The following COL4A2 variants were observed in gnomAD, a reference collection of about 807,000 sequenced individuals.
COL4A2 encodes the protein collagen alpha-2(IV) chain.
A neutral mutation model predicts 200.2 loss-of-function variants in COL4A2; 99 were observed. The observed-to-expected ratio is 0.49, with a 90% CI of 0.42 to 0.58. COL4A2 has a LOEUF of 0.58. COL4A2 is among the 20% of genes least tolerant of loss of function. The pLI, the probability that COL4A2 is intolerant of heterozygous loss-of-function variation, is 0.00. For missense variants in COL4A2, 1,950 were observed against 2,314.1 expected (o/e 0.84, Z 3.23); for synonymous variants, 897 against 900.6 (o/e 1.00, Z 0.07).
chr13:110,361,662 G>C (rs1235118230), intron 4 of COL4A2, among the ~76,000 whole-genome samples: 1 of 152,182 alleles, frequency 6.6e-6, no homozygotes, highest in Non-Finnish European at 1.5e-5. Context: ...ATGAGCTTTG[G>C]GTCAATTTGC....
rs968453732 is a variant in COL4A2, at chr13:110,473,158, C to A, written c.2425+8C>A. 5 of 1,550,522 alleles carry A rather than the reference C, an allele frequency of 3.2e-6. No homozygotes were observed. The African/African-American group carries it at 6.8e-5, about 21-fold the overall frequency. On this transcript the variant is annotated splice_region_variant and intron_variant, in intron 29 of 47. Transcript: ENST00000360467. ...GCCCCCCTGGATTCAGAGGTGAGTG[C>A]CCCATCGGGGAGCCGGGGGCCCCAT...
At chr13:110,356,948 T>G (rs958997511) in intron 3 of COL4A2, among the ~76,000 whole-genome samples, 1 of 152,120 alleles carries the variant, frequency 6.6e-6, no homozygotes, top group Non-Finnish European at 1.5e-5. Flanking sequence ...GTATTTTTAG[T>G]AGAGACGGGG....
chr13:110,425,217 C>T (rs1303618208), intron 6 of COL4A2, among the ~76,000 whole-genome samples: 5 of 152,160 alleles, frequency 3.3e-5, no homozygotes, highest in Admixed American at 2.6e-4. Flanking sequence ...AGAATTGAGA[C>T]GATTTTGCTA....
chr13:110,490,680 G>C (rs997890898), intron 36 of COL4A2, among the ~76,000 whole-genome samples: 1 of 152,186 alleles, frequency 6.6e-6, no homozygotes, highest in African/African-American at 2.4e-5. Flanking sequence ...TGGGCTGGCT[G>C]TGTCTGCCAC....
intron 29 of COL4A2, among the ~76,000 whole-genome samples, chr13:110,476,641 T>A (rs544732833): frequency 1.3e-5 from 2 of 152,302 alleles, no homozygotes; most frequent in Admixed American, 1.3e-4. Context: ...TGAGGCTACG[T>A]GAGTGTGTGG....
At chr13:110,493,078 CA>C in intron 38 of COL4A2, 132 bp from the exon 39 acceptor site, 1 of 876,730 alleles carries the variant, frequency 1.1e-6, no homozygotes, top group Middle Eastern at 2.4e-4. Context: ...GTGACACCCC[CA>C]TGGGTGAAAT....
chr13:110,416,273 A>C (rs970218652), intron 4 of COL4A2, among the ~76,000 whole-genome samples: 4 of 152,238 alleles, frequency 2.6e-5, no homozygotes, highest in Admixed American at 2.6e-4. Flanking sequence ...AGCTCTCTGC[A>C]TGCTGCCTGC....
chr13:110,457,787 A>C (rs1159821294), intron 21 of COL4A2: 1 of 484,138 alleles, frequency 2.1e-6, no homozygotes, highest in East Asian at 6.5e-5. Context: ...GCTCAGCTCC[A>C]AGGCATTGTA....
At chr13:110,356,941 T>G (rs1438025424) in intron 3 of COL4A2, among the ~76,000 whole-genome samples, 1 of 152,134 alleles carries the variant, frequency 6.6e-6, no homozygotes, top group Admixed American at 6.5e-5. Context: ...AATTTTTGTA[T>G]TTTTAGTAGA....
intron 18 of COL4A2, among the ~76,000 whole-genome samples, chr13:110,449,181 A>G (rs2139479940): frequency 6.6e-6 from 1 of 152,348 alleles, no homozygotes; most frequent in South Asian, 2.1e-4. Flanking sequence ...TTTCCCAATT[A>G]TAGTCTAGAA....
intron 21 of COL4A2, chr13:110,458,105 T>G: frequency 2.1e-6 from 1 of 470,092 alleles, no homozygotes; most frequent in Non-Finnish European, 4.4e-6. Flanking sequence ...TCTTGGCCGT[T>G]TTGGCGTATG....
chr13:110,454,633 T>C (rs1287301487), intron 20 of COL4A2, among the ~76,000 whole-genome samples: 1 of 152,112 alleles, frequency 6.6e-6, no homozygotes, highest in Admixed American at 6.5e-5. Flanking sequence ...CCTGAGACGC[T>C]GTCTTCTCCC....
chr13:110,484,391 C>T (rs1690188550), intron 32 of COL4A2, among the ~76,000 whole-genome samples: 1 of 152,106 alleles, frequency 6.6e-6, no homozygotes, highest in Non-Finnish European at 1.5e-5. Flanking sequence ...GCACAGTTTC[C>T]CGCCCGGCCC....
chr13:110,339,802 C>G (rs983327433), intron 3 of COL4A2, among the ~76,000 whole-genome samples: 1 of 152,142 alleles, frequency 6.6e-6, no homozygotes, highest in Non-Finnish European at 1.5e-5. Context: ...TGCTCGGTGC[C>G]GAGGAGTTGC....
chr13:110,325,057 G>T (rs1885371489), intron 3 of COL4A2, among the ~76,000 whole-genome samples: 3 of 152,180 alleles, frequency 2.0e-5, no homozygotes, highest in Non-Finnish European at 4.4e-5. Context: ...CAAGGAGGAT[G>T]GGGAGAAGAG....
intron 4 of COL4A2, among the ~76,000 whole-genome samples, chr13:110,400,881 G>GA (rs1173583083): frequency 5.9e-5 from 9 of 151,966 alleles, no homozygotes; most frequent in African/African-American, 1.5e-4. Context: ...AGATACTTAA[G>GA]AAAAAAAATG....
Position 110,336,423 on chromosome 13 carries a change from A to G in COL4A2, c.100-21049A>G, listed in dbSNP as rs145328031. On this transcript the variant is annotated intron_variant, in intron 3 of 47. Coordinates refer to ENST00000360467, the MANE Select transcript of COL4A2 (RefSeq NM_001846.4). ...TTATAGGCTCCATAAAACAAAATGC[A>G]TCTTAGAAGAGGCCTGGGAGGTGGG... 4.1e-3 allele frequency among the ~76,000 whole-genome samples: 629 copies of G among 152,320 alleles called. 4 individuals are homozygous for G. Among genetic ancestry groups the G allele is most frequent in the African/African-American group, 0.014 (599 of 41,574 alleles).
In COL4A2 at chr13:110,478,058, A is replaced by G; in HGVS notation, c.2481A>G (p.Gly827=). The change falls in exon 30 of 48, where the codon GGA becomes GGG. Residue 827 remains glycine (G), a synonymous_variant. Transcript: ENST00000360467. ...TGAAGGGCCAGCCAGGCCTCCCAGG[A>G]CCTTCCGGCCAGCCAGGCCTGTATG... ...PGLKGQPGLP[G]PSGQPGLYGP... 2 of 1,604,732 alleles carry G rather than the reference A, an allele frequency of 1.2e-6. No individual in the cohort carries two copies. The highest frequency in any genetic ancestry group is 1.7e-6 in the Non-Finnish European group (2 of 1,174,198).
intron 29 of COL4A2, among the ~76,000 whole-genome samples, chr13:110,474,489 G>A (rs1050069053): frequency 3.3e-5 from 5 of 152,144 alleles, no homozygotes; most frequent in African/African-American, 4.8e-5. Flanking sequence ...ACTAGGGAGC[G>A]CCCATGGGTG....
Sources: allele counts gnomAD v4.1 joint callset (sites outside exome capture counted in the v4.1 genomes callset), GRCh38; gene constraint gnomAD v4.1.1; transcripts MANE v1.5; gene names NCBI Gene and HGNC (gene_info 2026-07-23, HGNC 2026-07-21).